The following FTO variants were observed in gnomAD, a reference collection of about 807,000 sequenced individuals.
The protein encoded by FTO is alpha-ketoglutarate-dependent dioxygenase FTO.
FTO carries 47 observed loss-of-function variants against 63.9 expected under a neutral mutation model. That is an observed-to-expected ratio of 0.74 (90% CI 0.58 to 0.94). FTO has a LOEUF of 0.94. Among genes scored for constraint, FTO ranks in the 40% least tolerant of loss-of-function variants. The pLI is 0.00. For missense variants in FTO, 562 were observed against 618.1 expected (o/e 0.91, Z 0.96); for synonymous variants, 207 against 224.4 (o/e 0.92, Z 0.69).
chr16:54,018,380 TA>T lies in FTO; in HGVS notation c.1364+84272del, dbSNP rs1436304640. Among the ~76,000 whole-genome samples the T allele has an allele frequency of 4.0e-4, 15 of 37,416 alleles. No homozygotes were observed. In the African/African-American group the frequency reaches 6.7e-3, roughly 17 times the overall value. The allele number at this position is 37,416 out of a possible 152,430, so 24.5% of individuals were successfully genotyped here. A position where few individuals can be genotyped will look rare whatever the true frequency, so the allele number is the denominator to read the frequency against. On this transcript the variant is annotated intron_variant, in intron 8 of 8. Transcript: ENST00000471389. ...TTGGCATGGTTATAGCTTAGATAGATAGATGATAGATAGATAGATAGATAGA... is the reference window on the plus strand; with the variant it reads ...TTGGCATGGTTATAGCTTAGATAGATGATGATAGATAGATAGATAGATAGA...
chr16:53,947,263 T>TGCAGGCAGGAAGAG (rs2082672407), intron 8 of FTO, among the ~76,000 whole-genome samples: 1 of 152,162 alleles, frequency 6.6e-6, no homozygotes, highest in Non-Finnish European at 1.5e-5. Context: ...GGTTTCACTT[T>TGCAGGCAGGAAGAG]GCAGGCAGGA....
intron 1 of FTO, among the ~76,000 whole-genome samples, chr16:53,732,272 C>T (rs1254040000): frequency 6.6e-6 from 1 of 151,284 alleles, no homozygotes; most frequent in Non-Finnish European, 1.5e-5. Context: ...AGCATGGTCT[C>T]GATCTCCTGA....
chr16:53,716,168 C>T lies in FTO; in HGVS notation c.45+11939C>T, dbSNP rs1005831205. 3.9e-5 allele frequency among the ~76,000 whole-genome samples: 6 copies of T among 152,094 alleles called. No homozygotes were observed. In the South Asian group the frequency reaches 6.2e-4, roughly 16 times the overall value. On this transcript the variant is annotated intron_variant, in intron 1 of 8. Coordinates refer to ENST00000471389, the MANE Select transcript of FTO (RefSeq NM_001080432.3). ...CTTTGAGACTTGTTTCTGAATGACT[C>T]GTAGCTGTTTGAAAGAAATCTCTTC...
chr16:54,106,912 A>C (rs1387892814), intron 8 of FTO, among the ~76,000 whole-genome samples: 2 of 141,754 alleles, frequency 1.4e-5, no homozygotes, highest in African/African-American at 2.6e-5. Flanking sequence ...AATACACGAT[A>C]TATAATATAT....
intron 1 of FTO, among the ~76,000 whole-genome samples, chr16:53,745,931 A>T (rs1401511009): frequency 6.8e-6 from 1 of 147,908 alleles, no homozygotes; most frequent in Non-Finnish European, 1.5e-5. Context: ...AGGATGGTGA[A>T]CGTGGATTTA....
At chr16:53,963,934 G>A (rs534854681) in intron 8 of FTO, among the ~76,000 whole-genome samples, 6 of 152,142 alleles carry the variant, frequency 3.9e-5, no homozygotes, top group Non-Finnish European at 8.8e-5. Flanking sequence ...TATATTTTTA[G>A]TAGAGACAGG....
chr16:54,022,270 G>C (rs1310783585), intron 8 of FTO, among the ~76,000 whole-genome samples: 1 of 152,172 alleles, frequency 6.6e-6, no homozygotes, highest in Non-Finnish European at 1.5e-5. Flanking sequence ...GAGCAAATTA[G>C]ACAGTGAAAG....
chr16:53,998,161 T>C (rs1324669205), intron 8 of FTO, among the ~76,000 whole-genome samples: 7 of 151,794 alleles, frequency 4.6e-5, no homozygotes, highest in African/African-American at 1.7e-4. Flanking sequence ...GAGCAGAACA[T>C]GGGGAAAGGG....
At position 53,921,094 on chromosome 16, in the gene FTO, T is replaced by C. The variant is rs549526323; in HGVS notation, c.1240-12891T>C. On this transcript the variant is annotated intron_variant, in intron 7 of 8. Transcript: ENST00000471389. Reference sequence around the variant, plus strand: ...CAGCAGTTGGGTTAAAGACACACTGTAGGGCCGCAGACAAAAGGCCTGTGC... The same window carrying C: ...CAGCAGTTGGGTTAAAGACACACTGCAGGGCCGCAGACAAAAGGCCTGTGC... 3.3e-5 allele frequency among the ~76,000 whole-genome samples: 5 copies of C among 152,366 alleles called. No homozygotes were observed. The East Asian group carries it at 7.7e-4, about 24-fold the overall frequency.
intron 1 of FTO, among the ~76,000 whole-genome samples, chr16:53,797,355 A>G (rs1295840441): frequency 6.6e-6 from 1 of 152,204 alleles, no homozygotes; most frequent in Non-Finnish European, 1.5e-5. Context: ...GTGTTATAGT[A>G]TCACACAAAG....
At chr16:53,994,356 A>T (rs2083883847) in intron 8 of FTO, 1 of 151,354 alleles carries the variant, frequency 6.6e-6, no homozygotes, top group South Asian at 2.1e-4. Flanking sequence ...TTATTATTTA[A>T]TTTTTTTTAA....
chr16:53,810,435 C>T (rs555947573), intron 2 of FTO, among the ~76,000 whole-genome samples: 8 of 152,262 alleles, frequency 5.3e-5, no homozygotes, highest in African/African-American at 9.6e-5. Context: ...TTTATTTCCT[C>T]GGACATTCCA....
intron 8 of FTO, among the ~76,000 whole-genome samples, chr16:53,994,879 G>A (rs769866796): frequency 8.6e-5 from 13 of 151,906 alleles, no homozygotes; most frequent in Non-Finnish European, 1.5e-4. Context: ...GTTTACAGGT[G>A]GACACTACCA....
chr16:53,774,840 C>T (rs529581982), intron 1 of FTO, among the ~76,000 whole-genome samples: 5 of 152,104 alleles, frequency 3.3e-5, no homozygotes, highest in Non-Finnish European at 7.4e-5. Flanking sequence ...GAACACACAA[C>T]CATAGTTGTA....
chr16:54,065,968 ACTTACTAACTTATACAG>A (rs150064959), intron 8 of FTO, among the ~76,000 whole-genome samples: 9,389 of 152,276 alleles, frequency 0.062, 388 homozygotes, highest in East Asian at 0.14. Context: ...TTACTAGCTA[ACTTACTAACTTATACAG>A]CTCAACTAAC....
At chr16:53,724,948 AGGATCTGCTCAG>A in intron 1 of FTO, among the ~76,000 whole-genome samples, 1 of 152,322 alleles carries the variant, frequency 6.6e-6, no homozygotes, top group South Asian at 2.1e-4. Flanking sequence ...AAATTTTCTT[AGGATCTGCTCAG>A]GGATCTGCCT....
intron 7 of FTO, among the ~76,000 whole-genome samples, chr16:53,894,593 G>A (rs540841712): frequency 2.0e-5 from 3 of 151,352 alleles, no homozygotes; most frequent in East Asian, 2.0e-4. Flanking sequence ...TATAAATATC[G>A]AATTTTTTTG....
intron 8 of FTO, among the ~76,000 whole-genome samples, chr16:53,966,389 A>C (rs777938290): frequency 6.6e-6 from 1 of 152,244 alleles, no homozygotes; most frequent in Non-Finnish European, 1.5e-5. Context: ...GCCAGGCAGC[A>C]GTGTTCCCAT....
chr16:53,933,926 CTTTT>C (rs536771329), intron 7 of FTO, 55 bp from the exon 8 acceptor site: 1 of 1,542,706 alleles, frequency 6.5e-7, no homozygotes, highest in East Asian at 2.3e-5. Flanking sequence ...TGCTTATGGG[CTTTT>C]TTTTATTATT....
Sources: gnomAD v4.1 joint callset for allele counts (sites outside exome capture counted in the v4.1 genomes callset) on GRCh38, gnomAD v4.1.1 for gene constraint, MANE v1.5 for transcripts, NCBI Gene and HGNC (gene_info 2026-07-23, HGNC 2026-07-21) for gene names.